The following IL4R variants were observed in gnomAD, a reference collection of about 807,000 sequenced individuals.
The protein encoded by IL4R is interleukin-4 receptor subunit alpha.
A neutral mutation model predicts 41.5 loss-of-function variants in IL4R; 17 were observed. The ratio of observed to expected loss-of-function variants is 0.41; its 90% CI spans 0.28 to 0.61. The LOEUF (loss-of-function observed/expected upper bound fraction) is 0.61, where lower values mean the gene tolerates loss of function less well. IL4R is among the 20% of genes least tolerant of loss of function. The pLI, the probability that IL4R is intolerant of heterozygous loss-of-function variation, is 0.31. For missense variants in IL4R, 974 were observed against 1,043.1 expected, an observed-to-expected ratio of 0.93 and a Z score of 0.91; for synonymous variants, 402 against 422.9, an observed-to-expected ratio of 0.95 and a Z score of 0.61.
intron 2 of IL4R, among the ~76,000 whole-genome samples, chr16:27,336,405 A>C (rs1244832166): frequency 6.6e-6 from 1 of 152,006 alleles, no homozygotes; most frequent in Non-Finnish European, 1.5e-5. Context: ...GGCCGGGTAC[A>C]GTGGCTCACG....
intron 1 of IL4R, among the ~76,000 whole-genome samples, chr16:27,327,719 A>G (rs1284696209): frequency 1.3e-5 from 2 of 152,160 alleles, no homozygotes; most frequent in South Asian, 4.1e-4. Context: ...TGTGACCACC[A>G]GCAAGTGCTC....
At chr16:27,354,481 A>G (rs1394195192) in intron 7 of IL4R, among the ~76,000 whole-genome samples, 1 of 152,160 alleles carries the variant, frequency 6.6e-6, no homozygotes, top group African/African-American at 2.4e-5. Context: ...TTCCCCTTAC[A>G]TCTCATTGGC....
chr16:27,314,540 C>G (rs1238389094), intron 1 of IL4R, among the ~76,000 whole-genome samples: 1 of 152,216 alleles, frequency 6.6e-6, no homozygotes, highest in Non-Finnish European at 1.5e-5. Context: ...GAAAGGATGC[C>G]AAGTGAAACC....
At chr16:27,340,126 A>G (rs2085393791) in intron 2 of IL4R, 60 bp from the exon 3 acceptor site, 2 of 1,107,438 alleles carry the variant, frequency 1.8e-6, no homozygotes, top group Admixed American at 2.0e-5. Flanking sequence ...TGCATATTGA[A>G]TAAGATGAGC....
chr16:27,344,778 T>G, intron 4 of IL4R, 91 bp from the exon 5 acceptor site: 1 of 1,293,306 alleles, frequency 7.7e-7, no homozygotes, highest in South Asian at 1.3e-5. Context: ...TGGAAGAGTC[T>G]GATGCGGTTC....
chr16:27,332,500 A>C (rs913448185), intron 2 of IL4R, among the ~76,000 whole-genome samples: 11 of 152,030 alleles, frequency 7.2e-5, no homozygotes, highest in Non-Finnish European at 1.3e-4. Flanking sequence ...ATTCAAGGTG[A>C]GATTTGGGTG....
chr16:27,353,343 GAAATA>G (rs3024618), intron 7 of IL4R, among the ~76,000 whole-genome samples: 7 of 151,892 alleles, frequency 4.6e-5, no homozygotes, highest in East Asian at 1.9e-4. Context: ...TAAATACAAT[GAAATA>G]AAATAAAATA....
Position 27,362,923 on chromosome 16 carries a change from A to T in IL4R, c.1571A>T (p.Glu524Val), listed in dbSNP as rs2086354589. ...GACCCACTGCTGGCCAGACACCTGG[A>T]GGAAGTAGAACCCGAGATGCCCTGT... ...GPDPLLARHLEEVEPEMPCVP... is the reference protein window; with the variant it reads ...GPDPLLARHLVEVEPEMPCVP... The change falls in exon 11 of 11, where the codon GAG becomes GTG. Residue 524 changes from glutamate (E) to valine (V), a missense_variant. By Grantham distance (121) the Glu-to-Val change is moderately radical (BLOSUM62 -2). Around this residue, in one of 3 missense-constraint regions of IL4R, gnomAD observed 682 missense variants for 704.3 expected, o/e 0.97. Coordinates refer to ENST00000395762, the MANE Select transcript of IL4R (RefSeq NM_000418.4). The T allele has an allele frequency of 3.1e-6, 5 of 1,614,002 alleles. No individual in the cohort carries two copies. Among genetic ancestry groups the T allele is most frequent in the Non-Finnish European group, 4.2e-6 (5 of 1,180,032 alleles).
At chr16:27,325,835 G>C (rs1027726716) in intron 1 of IL4R, among the ~76,000 whole-genome samples, 1 of 152,036 alleles carries the variant, frequency 6.6e-6, no homozygotes. Flanking sequence ...CTGAGCGCCT[G>C]CTAACAGCCT....
intron 2 of IL4R, among the ~76,000 whole-genome samples, chr16:27,336,227 C>A (rs1417066004): frequency 1.3e-5 from 2 of 152,092 alleles, no homozygotes; most frequent in East Asian, 3.8e-4. Flanking sequence ...TAACACAAAG[C>A]CTGTTTTGTT....
At chr16:27,323,125 G>A (rs2084861291) in intron 1 of IL4R, among the ~76,000 whole-genome samples, 1 of 152,222 alleles carries the variant, frequency 6.6e-6, no homozygotes, top group South Asian at 2.1e-4. Flanking sequence ...ATGCCAGTCT[G>A]CAAGCAGAAA....
chr16:27,361,051 T>A, intron 10 of IL4R: 1 of 1,413,790 alleles, frequency 7.1e-7, no homozygotes. Flanking sequence ...GGAGTGCTGT[T>A]ATAGTTAACA....
chr16:27,364,566 C>T lies in IL4R; in HGVS notation c.*736C>T, dbSNP rs2086434452. ...AACCCCCAGAATAAATATGCTCAGC[C>T]ACCCTGTGGGCCGGGCAATCCAGAC... On this transcript the variant is annotated 3_prime_UTR_variant, in exon 11 of 11. Coordinates refer to ENST00000395762, the MANE Select transcript of IL4R (RefSeq NM_000418.4). 2 of 152,174 alleles carry T rather than the reference C, an allele frequency of 1.3e-5. No homozygotes were observed. 9.4% of individuals were successfully genotyped at this position (152,174 alleles called of 1,614,324 possible). A position where few individuals can be genotyped will look rare whatever the true frequency, so the allele number is the denominator to read the frequency against.
intron 7 of IL4R, chr16:27,354,028 G>T (rs1032819385): frequency 2.0e-5 from 3 of 152,180 alleles, no homozygotes; most frequent in Non-Finnish European, 4.4e-5. Context: ...AAAGCAGACA[G>T]CCCGGAAGTG....
intron 1 of IL4R, among the ~76,000 whole-genome samples, chr16:27,328,161 C>T (rs1344438661): frequency 1.4e-5 from 2 of 142,040 alleles, no homozygotes; most frequent in Non-Finnish European, 3.0e-5. Flanking sequence ...GAGCTGATAT[C>T]GTGCCACTGC....
At position 27,345,040 on chromosome 16, in the gene IL4R, G is replaced by A. The variant is rs1411972195; in HGVS notation, c.361+20G>A. The A allele has an allele frequency of 2.5e-6, 4 of 1,606,238 alleles. No individual in the cohort carries two copies. Among genetic ancestry groups the A allele is most frequent in the African/African-American group, 1.3e-5 (1 of 74,720 alleles). On this transcript the variant is annotated intron_variant, in intron 5 of 10. Transcript: ENST00000395762. The surrounding 1 kb of genome is among the most constrained non-coding windows in gnomAD (Gnocchi z 4.5). ...AGCATGGTGAGCAGGGCGGAGTGCG[G>A]CAGGGGTGGCTGGGTGTGTTCCCAC... is the stretch of plus-strand genomic sequence containing the variant.
At chr16:27,356,313 G>A (rs1010983594) in intron 8 of IL4R, among the ~76,000 whole-genome samples, 3 of 151,880 alleles carry the variant, frequency 2.0e-5, no homozygotes, top group East Asian at 3.9e-4. Flanking sequence ...GGCTGGTCTC[G>A]AACTCCTGAC....
intron 6 of IL4R, among the ~76,000 whole-genome samples, chr16:27,351,159 A>G (rs1242463408): frequency 1.3e-5 from 2 of 152,266 alleles, no homozygotes; most frequent in African/African-American, 2.4e-5. Flanking sequence ...AGCTCATACA[A>G]TATTGGTGAC....
intron 6 of IL4R, among the ~76,000 whole-genome samples, chr16:27,350,176 A>T (rs1230829774): frequency 5.9e-5 from 9 of 152,174 alleles, no homozygotes; most frequent in Non-Finnish European, 1.2e-4. Context: ...GACAAACCGC[A>T]AGTAGTTCTT....
Sources: allele counts gnomAD v4.1 joint callset (sites outside exome capture counted in the v4.1 genomes callset), GRCh38; gene constraint gnomAD v4.1.1; regional missense constraint gnomAD v4.1.1; non-coding constraint Gnocchi (gnomAD v3.1); transcripts MANE v1.5; gene names NCBI Gene and HGNC (gene_info 2026-07-23, HGNC 2026-07-21).